The following SH3RF3 variants were observed in gnomAD, a reference collection of about 807,000 sequenced individuals.
SH3RF3 encodes the protein SH3 domain containing ring finger 3, also known as E3 ubiquitin-protein ligase SH3RF3.
In SH3RF3, 29 loss-of-function variants were observed where a neutral mutation model predicts 66.3. That is an observed-to-expected ratio of 0.44 (90% CI 0.33 to 0.60). The LOEUF (loss-of-function observed/expected upper bound fraction) is 0.60, where lower values mean the gene tolerates loss of function less well. Ranked by LOEUF, SH3RF3 falls within the 20% of genes least tolerant of loss-of-function variation. SH3RF3 has a pLI of 0.04. For synonymous variants in SH3RF3, 583 were observed against 532.0 expected (o/e 1.10, Z -1.32); for missense variants, 1,194 against 1,190.9 (o/e 1.00, Z -0.04).
chr2:109,167,725 C>T (rs1172142309), intron 1 of SH3RF3, among the ~76,000 whole-genome samples: 1 of 152,162 alleles, frequency 6.6e-6, no homozygotes, highest in African/African-American at 2.4e-5. Flanking sequence ...ACACCTGTCA[C>T]CACGCCTGGC....
intron 9 of SH3RF3, among the ~76,000 whole-genome samples, chr2:109,501,276 C>G (rs1679377809): frequency 6.6e-6 from 1 of 152,102 alleles, no homozygotes; most frequent in South Asian, 2.1e-4. Flanking sequence ...CTTCGTAGAT[C>G]AGCGTCTAAA....
intron 8 of SH3RF3, among the ~76,000 whole-genome samples, chr2:109,489,508 A>G (rs1679071321): frequency 6.6e-6 from 1 of 152,160 alleles, no homozygotes; most frequent in Non-Finnish European, 1.5e-5. Context: ...CTGGGGGAGG[A>G]GAAAGCAGAT....
At chr2:109,453,646 A>G (rs972918885) in intron 8 of SH3RF3, among the ~76,000 whole-genome samples, 5 of 152,220 alleles carry the variant, frequency 3.3e-5, no homozygotes, top group Admixed American at 2.6e-4. Flanking sequence ...GAGCATGAGG[A>G]TGTACCTGGC....
In SH3RF3 at chr2:109,504,265, G is replaced by C. The variant is rs928638570; in HGVS notation, c.*2594G>C. The C allele has an allele frequency of 6.6e-6, 1 of 152,188 alleles. No homozygotes were observed. The highest frequency in any genetic ancestry group is 1.5e-5 in the Non-Finnish European group (1 of 68,052). The allele number at this position is 152,188 out of a possible 1,614,324, so 9.4% of individuals were successfully genotyped here. ...ACATCTTAGCCATGTAGTGGCCTTG[G>C]GGGGCCACAGAGATTTCCTTTGAGG... On this transcript the variant is annotated 3_prime_UTR_variant, in exon 10 of 10. Transcript: ENST00000309415.
rs1417797818 is a variant in SH3RF3, at chr2:109,490,775, A to G, written c.2319A>G (p.Ala773=). 2.0e-6 allele frequency: 3 copies of G among 1,536,624 alleles called. No homozygotes were observed. Among genetic ancestry groups the G allele is most frequent in the Non-Finnish European group, 2.6e-6 (3 of 1,146,526 alleles). The change falls in exon 9 of 10, where the codon GCA becomes GCG. Residue 773 remains alanine, a synonymous_variant. Coordinates refer to ENST00000309415, the MANE Select transcript of SH3RF3 (RefSeq NM_001099289.3). The stretch of plus-strand genomic sequence containing the variant: ...CCTCACTGTCCATCCACGGCAGGGC[A>G]GGGTCCTGCCCCATAGAGAGCGAGA... The part of the protein sequence containing the change: ...EVSSLSIHGR[A]GSCPIESEMQ...
At chr2:109,468,857 A>C (rs1243439531) in intron 8 of SH3RF3, among the ~76,000 whole-genome samples, 2 of 137,294 alleles carry the variant, frequency 1.5e-5, no homozygotes, top group Admixed American at 7.1e-5. Flanking sequence ...CTGTCTCAGA[A>C]AAAAAAAAAA....
At chr2:109,384,455 C>T (rs1217996707) in intron 3 of SH3RF3, among the ~76,000 whole-genome samples, 3 of 151,572 alleles carry the variant, frequency 2.0e-5, no homozygotes, top group Admixed American at 6.6e-5. Context: ...CTGAGCTGGC[C>T]GAGGGACTCT....
At chr2:109,486,737 G>A (rs1298340968) in intron 8 of SH3RF3, among the ~76,000 whole-genome samples, 1 of 152,124 alleles carries the variant, frequency 6.6e-6, no homozygotes, top group Non-Finnish European at 1.5e-5. Context: ...GAAGGGGAGG[G>A]GGAAGCTGGG....
chr2:109,256,570 G>A (rs753887439), intron 1 of SH3RF3, among the ~76,000 whole-genome samples: 2 of 152,166 alleles, frequency 1.3e-5, no homozygotes, highest in Non-Finnish European at 2.9e-5. Context: ...GGGCACAGAA[G>A]CCCTTTTGCT....
Position 109,496,559 on chromosome 2 carries a change from G to A in SH3RF3, c.2481-4944G>A, listed in dbSNP as rs1360507429. On this transcript the variant is annotated intron_variant, in intron 9 of 9. Coordinates refer to ENST00000309415, the MANE Select transcript of SH3RF3 (RefSeq NM_001099289.3). Reference sequence around the variant, plus strand: ...GTGAGGGTGAGGGCACCTGCAGCACGGCCTGGCCGACTCCTGCCCCTTTGA... The same window carrying A: ...GTGAGGGTGAGGGCACCTGCAGCACAGCCTGGCCGACTCCTGCCCCTTTGA... Among the ~76,000 whole-genome samples, 8 of 152,198 alleles carry A rather than the reference G, an allele frequency of 5.3e-5. No homozygotes were observed. The East Asian group carries it at 7.7e-4, about 15-fold the overall frequency.
At chr2:109,252,439 T>C (rs986111270) in intron 1 of SH3RF3, among the ~76,000 whole-genome samples, 2 of 152,222 alleles carry the variant, frequency 1.3e-5, no homozygotes, top group African/African-American at 4.8e-5. Flanking sequence ...TTATAAGCTT[T>C]GTCTTTTTAC....
chr2:109,493,465 A>G (rs1456005307), intron 9 of SH3RF3, among the ~76,000 whole-genome samples: 1 of 149,970 alleles, frequency 6.7e-6, no homozygotes, highest in African/African-American at 2.5e-5. Flanking sequence ...CACATACACT[A>G]TACATACAAA....
chr2:109,493,511 C>T (rs1368092419), intron 9 of SH3RF3, among the ~76,000 whole-genome samples: 1 of 151,620 alleles, frequency 6.6e-6, no homozygotes, highest in African/African-American at 2.4e-5. Context: ...ACACATACCT[C>T]ACACACACCA....
chr2:109,367,111 C>T (rs908197294), intron 2 of SH3RF3, among the ~76,000 whole-genome samples: 3 of 141,920 alleles, frequency 2.1e-5, no homozygotes, highest in Admixed American at 1.4e-4. Flanking sequence ...TGCCACTGTG[C>T]CCTGGTAATT....
intron 8 of SH3RF3, among the ~76,000 whole-genome samples, chr2:109,485,326 T>G (rs1223863522): frequency 2.6e-5 from 4 of 152,270 alleles, no homozygotes; most frequent in African/African-American, 9.6e-5. Flanking sequence ...CAGGTTTACT[T>G]CATTTTCATG....
intron 7 of SH3RF3, among the ~76,000 whole-genome samples, chr2:109,448,711 T>C (rs148129955): frequency 1.8e-3 from 281 of 152,282 alleles, no homozygotes; most frequent in African/African-American, 6.6e-3. Flanking sequence ...TATTACAATG[T>C]AGTAATAATA....
At chr2:109,179,329 A>G (rs1279522095) in intron 1 of SH3RF3, among the ~76,000 whole-genome samples, 2 of 152,204 alleles carry the variant, frequency 1.3e-5, no homozygotes, top group African/African-American at 2.4e-5. Context: ...AGAGCTGCTG[A>G]CAGTGAGTCC....
chr2:109,307,422 T>TA (rs1681621943), intron 1 of SH3RF3, among the ~76,000 whole-genome samples: 2 of 126,658 alleles, frequency 1.6e-5, no homozygotes, highest in Non-Finnish European at 3.2e-5. Flanking sequence ...TAAGATGCAC[T>TA]TTTTTTTTTT....
At chr2:109,228,007 G>A (rs1348593564) in intron 1 of SH3RF3, among the ~76,000 whole-genome samples, 2 of 152,188 alleles carry the variant, frequency 1.3e-5, no homozygotes, top group African/African-American at 4.8e-5. Context: ...AGGAAAGAGT[G>A]GGGAATAGTT....
Sources: gnomAD v4.1 joint callset for allele counts (sites outside exome capture counted in the v4.1 genomes callset) on GRCh38, gnomAD v4.1.1 for gene constraint, MANE v1.5 for transcripts, NCBI Gene and HGNC (gene_info 2026-07-23, HGNC 2026-07-21) for gene names.